The following PLD5 variants were observed in gnomAD, a reference collection of about 807,000 sequenced individuals.
The protein encoded by PLD5 is phospholipase D family member 5, also known as inactive phospholipase D5.
PLD5 carries 36 observed loss-of-function variants against 61.1 expected under a neutral mutation model. The ratio of observed to expected loss-of-function variants is 0.59; its 90% confidence interval spans 0.45 to 0.78. The LOEUF (loss-of-function observed/expected upper bound fraction) is 0.78, where lower values mean the gene tolerates loss of function less well. Ranked by LOEUF, PLD5 falls within the 30% of genes least tolerant of loss-of-function variation. The pLI, the probability that PLD5 is intolerant of heterozygous loss-of-function variation, is 0.00. For synonymous variants in PLD5, 243 were observed against 242.8 expected, an observed-to-expected ratio of 1.00 and a Z score of -0.01; for missense variants, 515 against 644.4, an observed-to-expected ratio of 0.80 and a Z score of 2.17.
intron 1 of PLD5, among the ~76,000 whole-genome samples, chr1:242,438,496 G>A (rs1456927854): frequency 1.4e-5 from 2 of 148,066 alleles, no homozygotes; most frequent in African/African-American, 5.0e-5. Context: ...CCAGGTTGGA[G>A]TGTAATGGTG....
intron 1 of PLD5, 107 bp downstream of exon 1, chr1:242,523,981 A>G: frequency 8.1e-7 from 1 of 1,238,768 alleles, no homozygotes; most frequent in Non-Finnish European, 1.1e-6. Context: ...GCCTGCCAGG[A>G]TCCCCTCGCC....
intron 5 of PLD5, among the ~76,000 whole-genome samples, chr1:242,128,037 G>A (rs1662933892): frequency 6.6e-6 from 1 of 152,140 alleles, no homozygotes; most frequent in Non-Finnish European, 1.5e-5. Flanking sequence ...CTAATGCTTG[G>A]AAAACTGCTC....
chr1:242,319,314 G>T (rs1055732925), intron 2 of PLD5, among the ~76,000 whole-genome samples: 2 of 151,334 alleles, frequency 1.3e-5, no homozygotes, highest in Non-Finnish European at 2.9e-5. Flanking sequence ...AGAAAGTTCA[G>T]CTGACCTCCA....
At chr1:242,128,074 A>G (rs558072924) in intron 5 of PLD5, among the ~76,000 whole-genome samples, 1 of 152,298 alleles carries the variant, frequency 6.6e-6, no homozygotes, top group South Asian at 2.1e-4. Flanking sequence ...TATGCTATTT[A>G]AAGTCAGGCA....
chr1:242,344,721 G>A (rs1008954702), intron 2 of PLD5, among the ~76,000 whole-genome samples: 1 of 151,728 alleles, frequency 6.6e-6, no homozygotes, highest in Admixed American at 6.6e-5. Context: ...ACCCATTAAG[G>A]GTGAAGAGGT....
At chr1:242,138,370 C>A (rs377486232) in intron 5 of PLD5, among the ~76,000 whole-genome samples, 3 of 151,934 alleles carry the variant, frequency 2.0e-5, no homozygotes, top group African/African-American at 7.2e-5. Context: ...ATCTGATAAG[C>A]AGCTTAGGGG....
intron 4 of PLD5, among the ~76,000 whole-genome samples, chr1:242,234,968 C>T (rs1558379037): frequency 6.6e-6 from 1 of 152,114 alleles, no homozygotes; most frequent in Non-Finnish European, 1.5e-5. Flanking sequence ...TGTCCCTGTA[C>T]AAACCTGTGC....
chr1:242,393,207 A>AT (rs1553365793), intron 1 of PLD5, among the ~76,000 whole-genome samples: 2 of 87,498 alleles, frequency 2.3e-5, no homozygotes, highest in East Asian at 5.7e-4. Context: ...GTCTCAAAAA[A>AT]ATATATATAT....
At position 242,420,921 on chromosome 1, in the gene PLD5, G is replaced by A. The variant is rs376580184; in HGVS notation, c.190-72679C>T. 4.0e-3 allele frequency among the ~76,000 whole-genome samples: 606 copies of A among 152,260 alleles called. 5 individuals are homozygous for A. The highest frequency in any genetic ancestry group is 0.014 in the African/African-American group (575 of 41,552). On this transcript the variant is annotated intron_variant, in intron 1 of 9. Coordinates refer to ENST00000536534, the MANE Select transcript of PLD5 (RefSeq NM_001372062.1). ...TGGCCGGGCGCAGTGGTTCACGCCT[G>A]TAATCCCTTTGGGATTTTGGAAGGC...
chr1:242,139,146 T>C lies in PLD5; in HGVS notation c.736-14481A>G, dbSNP rs113077128. 5.3e-3 allele frequency among the ~76,000 whole-genome samples: 810 copies of C among 152,304 alleles called. 17 individuals are homozygous for C. In the East Asian group the frequency reaches 0.057, roughly 11 times the overall value. ...TGCTTATTATGGACACTTTCAAAAC[T>C]TGTCAGTAACCCCAGGTCTGCCTGC... On this transcript the variant is annotated intron_variant, in intron 5 of 9. Coordinates refer to ENST00000536534, the MANE Select transcript of PLD5 (RefSeq NM_001372062.1).
intron 2 of PLD5, among the ~76,000 whole-genome samples, chr1:242,291,544 C>T (rs1028788110): frequency 2.0e-5 from 3 of 152,098 alleles, no homozygotes; most frequent in Admixed American, 2.0e-4. Context: ...CGGTGGCTCA[C>T]ACCTGTAATC....
chr1:242,287,485 TG>T (rs1675093725), intron 3 of PLD5, among the ~76,000 whole-genome samples: 1 of 152,246 alleles, frequency 6.6e-6, no homozygotes, highest in South Asian at 2.1e-4. Context: ...TTTTGTTTTT[TG>T]TTTTTATTTT....
chr1:242,499,737 T>C (rs1668491111), intron 1 of PLD5, among the ~76,000 whole-genome samples: 1 of 152,208 alleles, frequency 6.6e-6, no homozygotes, highest in African/African-American at 2.4e-5. Flanking sequence ...CTTGGTGGCA[T>C]AAAGCAAACT....
chr1:242,367,055 C>T (rs556755397), intron 1 of PLD5, among the ~76,000 whole-genome samples: 2 of 151,754 alleles, frequency 1.3e-5, no homozygotes, highest in African/African-American at 4.8e-5. Context: ...ATAGCAAGAC[C>T]GAGAATGGAA....
At chr1:242,229,059 T>C (rs1221739692) in intron 4 of PLD5, among the ~76,000 whole-genome samples, 2 of 152,214 alleles carry the variant, frequency 1.3e-5, no homozygotes, top group African/African-American at 4.8e-5. Flanking sequence ...TAAAATTGTT[T>C]AGTTGTGGCC....
At chr1:242,178,113 A>G (rs1315998324) in intron 5 of PLD5, among the ~76,000 whole-genome samples, 1 of 152,218 alleles carries the variant, frequency 6.6e-6, no homozygotes, top group Non-Finnish European at 1.5e-5. Flanking sequence ...ATTTCTAACA[A>G]CCTACCAGGT....
chr1:242,287,801 C>A (rs1011495612), intron 3 of PLD5, among the ~76,000 whole-genome samples: 11 of 152,306 alleles, frequency 7.2e-5, no homozygotes, highest in African/African-American at 2.6e-4. Flanking sequence ...AGTCAGTTTT[C>A]TAAAGGTAGT....
chr1:242,405,421 C>T lies in PLD5; in HGVS notation c.190-57179G>A, dbSNP rs563301565. The stretch of plus-strand genomic sequence containing the variant: ...ATGCTGCTCATCATCCTACAATGCA[C>T]AGGATAGCACCCAGGACAAAGCTCA... On this transcript the variant is annotated intron_variant, in intron 1 of 9. Coordinates refer to ENST00000536534, the MANE Select transcript of PLD5 (RefSeq NM_001372062.1). Among the ~76,000 whole-genome samples, 14 of 152,212 alleles carry T rather than the reference C, an allele frequency of 9.2e-5. 1 individual carries two copies. Among genetic ancestry groups the T allele is most frequent in the African/African-American group, 3.4e-4 (14 of 41,542 alleles).
intron 2 of PLD5, among the ~76,000 whole-genome samples, chr1:242,327,168 A>C (rs1574739439): frequency 6.8e-6 from 1 of 147,030 alleles, no homozygotes; most frequent in African/African-American, 2.5e-5. Flanking sequence ...CCTGGCGCTA[A>C]TTTTTTTTTT....
Sources: gnomAD v4.1 joint callset for allele counts (sites outside exome capture counted in the v4.1 genomes callset) on GRCh38, gnomAD v4.1.1 for gene constraint, MANE v1.5 for transcripts, NCBI Gene and HGNC (gene_info 2026-07-23, HGNC 2026-07-21) for gene names.